UIMC1: variants seen among roughly 807,000 people sequenced by gnomAD.
The protein encoded by UIMC1 is BRCA1-A complex subunit RAP80.
Under a neutral mutation model 84.9 loss-of-function variants are expected in UIMC1, and 42 were observed. That is an observed-to-expected ratio of 0.49 (90% confidence interval 0.39 to 0.64). The LOEUF (loss-of-function observed/expected upper bound fraction) is 0.64. Among genes scored for constraint, UIMC1 ranks in the 30% least tolerant of loss-of-function variants. The pLI, the probability that UIMC1 is intolerant of heterozygous loss-of-function variation, is 0.00. For missense variants in UIMC1, 825 were observed against 847.6 expected (o/e 0.97, Z 0.33); for synonymous variants, 281 against 293.0 (o/e 0.96, Z 0.42).
At position 177,006,674 on chromosome 5, in the gene UIMC1, A is replaced by T. The variant is rs1426018112; in HGVS notation, c.-33T>A. On this transcript the variant is annotated 5_prime_UTR_variant, in exon 1 of 15. Transcript: ENST00000511320. ...CTCGCTGGCGCAGGCCGCTCTGTAG[A>T]CCTTCTCCGGGTTGCCGGGGGTCGC... The T allele has an allele frequency of 1.3e-5, 2 of 151,582 alleles. No homozygotes were observed. Among genetic ancestry groups the T allele is most frequent in the Non-Finnish European group, 2.9e-5 (2 of 67,892 alleles). 9.4% of individuals were successfully genotyped at this position (151,582 alleles called of 1,614,324 possible).
chr5:176,937,197 T>C (rs1396985787), intron 10 of UIMC1, among the ~76,000 whole-genome samples: 2 of 152,180 alleles, frequency 1.3e-5, no homozygotes, highest in Admixed American at 6.5e-5. Context: ...AAACATTACC[T>C]TTAAAGAGCA....
chr5:176,958,013 T>C (rs1766828071), intron 7 of UIMC1, 80 bp downstream of exon 7: 2 of 1,400,764 alleles, frequency 1.4e-6, no homozygotes, highest in Non-Finnish European at 9.9e-7. Flanking sequence ...GCTGTCCACG[T>C]ACAGTCTCAC....
upstream of UIMC1, among the ~76,000 whole-genome samples, chr5:177,010,109 G>A (rs150879406): frequency 8.6e-3 from 1,304 of 152,186 alleles, 6 homozygotes; most frequent in Middle Eastern, 0.01. Context: ...CCAGCTACTC[G>A]AGAGGCCGAG....
At chr5:177,018,299 G>A (rs748550390) in intron 1 of UIMC1, among the ~76,000 whole-genome samples, 5 of 150,254 alleles carry the variant, frequency 3.3e-5, no homozygotes, top group Admixed American at 1.3e-4. Context: ...GCAGTGAGCC[G>A]AGATCGCACC....
upstream of UIMC1, among the ~76,000 whole-genome samples, chr5:177,008,233 G>A: frequency 6.6e-6 from 1 of 152,054 alleles, no homozygotes; most frequent in East Asian, 1.9e-4. Flanking sequence ...ATTCTGGAAT[G>A]CCTTTGCCCT....
At chr5:176,936,248 A>G (rs1384220268) in intron 10 of UIMC1, among the ~76,000 whole-genome samples, 1 of 152,236 alleles carries the variant, frequency 6.6e-6, no homozygotes, top group African/African-American at 2.4e-5. Flanking sequence ...AGTGTCTGTG[A>G]TTCTCATGGC....
chr5:176,963,706 A>T (rs926087004), intron 6 of UIMC1, among the ~76,000 whole-genome samples: 1 of 152,130 alleles, frequency 6.6e-6, no homozygotes, highest in African/African-American at 2.4e-5. Context: ...GACAGTAGAT[A>T]CAGGTCTGAG....
chr5:176,999,713 T>C (rs1774169723), intron 1 of UIMC1, among the ~76,000 whole-genome samples: 1 of 152,228 alleles, frequency 6.6e-6, no homozygotes, highest in Admixed American at 6.6e-5. Context: ...TTCACCCATG[T>C]TGTTACAAAT....
chr5:176,968,011 G>A (rs1436103563), intron 6 of UIMC1, among the ~76,000 whole-genome samples: 2 of 151,846 alleles, frequency 1.3e-5, no homozygotes, highest in Admixed American at 6.6e-5. Flanking sequence ...GTAGGGAGAG[G>A]AACAAAACTT....
At chr5:176,923,900 GACACACACAC>G (rs35583665) in intron 10 of UIMC1, among the ~76,000 whole-genome samples, 5 of 145,660 alleles carry the variant, frequency 3.4e-5, no homozygotes, top group Non-Finnish European at 6.0e-5. Context: ...CACACACACA[GACACACACAC>G]ACACACACAC....
intron 6 of UIMC1, 65 bp from the exon 7 acceptor site, chr5:176,958,219 T>TA (rs940428071): frequency 1.1e-5 from 15 of 1,373,954 alleles, no homozygotes; most frequent in Admixed American, 2.0e-5. Flanking sequence ...CTTCCTTTTT[T>TA]AAAAAAATTT....
intron 1 of UIMC1, among the ~76,000 whole-genome samples, chr5:176,984,382 G>T (rs1771619909): frequency 6.9e-6 from 1 of 144,238 alleles, no homozygotes; most frequent in African/African-American, 2.6e-5. Context: ...TCCCCGTCTG[G>T]GAAGTGAGGA....
chr5:176,991,051 A>T (rs1459771160), intron 1 of UIMC1, among the ~76,000 whole-genome samples: 1 of 151,858 alleles, frequency 6.6e-6, no homozygotes, highest in Non-Finnish European at 1.5e-5. Flanking sequence ...TCTTTCGCCC[A>T]GGCCAGACTG....
chr5:176,958,167 A>T lies in UIMC1; in HGVS notation c.1201-13T>A. 1 of 1,611,642 alleles carries T rather than the reference A, an allele frequency of 6.2e-7. No individual in the cohort carries two copies. Among genetic ancestry groups the T allele is most frequent in the Middle Eastern group, 1.7e-4 (1 of 6,030 alleles). Reference sequence around the variant, plus strand: ...TCCCTTGGGAAGACTGCAAAGAAATACGTAGTATCTTAAATATACAGGCAC... The same window carrying T: ...TCCCTTGGGAAGACTGCAAAGAAATTCGTAGTATCTTAAATATACAGGCAC... On this transcript the variant is annotated splice_polypyrimidine_tract_variant and intron_variant, in intron 6 of 14. Coordinates refer to ENST00000511320, the MANE Select transcript of UIMC1 (RefSeq NM_001199298.2).
At chr5:177,020,500 G>A (rs548514823) in intron 1 of UIMC1, among the ~76,000 whole-genome samples, 2 of 152,206 alleles carry the variant, frequency 1.3e-5, no homozygotes, top group East Asian at 1.9e-4. Flanking sequence ...GCACGATCTC[G>A]GCTCACTGCA....
chr5:176,943,214 A>G, intron 10 of UIMC1, 121 bp downstream of exon 10: 1 of 1,310,742 alleles, frequency 7.6e-7, no homozygotes, highest in Non-Finnish European at 1.0e-6. Context: ...GAAAAAACCC[A>G]AGACCAACAA....
In UIMC1 at chr5:176,969,424, T is replaced by C. The variant is rs191593853; in HGVS notation, c.464-133A>G. 8.6e-4 allele frequency: 1,203 copies of C among 1,403,386 alleles called. 1 individual carries two copies. The highest frequency in any genetic ancestry group is 1.0e-3 in the Non-Finnish European group (1,078 of 1,037,872). The allele number at this position is 1,403,386 out of a possible 1,614,324, so 86.9% of individuals were successfully genotyped here. On this transcript the variant is annotated intron_variant, in intron 5 of 14. Transcript: ENST00000511320. ...TCTTTGGGTTTAACCAAATGTTGGT[T>C]TTTCCTTGGAGATAAAAGTATGCCG...
intron 1 of UIMC1, among the ~76,000 whole-genome samples, chr5:177,004,082 G>A (rs959819056): frequency 1.3e-5 from 2 of 152,144 alleles, no homozygotes; most frequent in Admixed American, 6.6e-5. Flanking sequence ...GCCCACCTCA[G>A]CCTCCCAAAG....
At chr5:177,003,151 T>C (rs1774780050) in intron 1 of UIMC1, among the ~76,000 whole-genome samples, 1 of 152,056 alleles carries the variant, frequency 6.6e-6, no homozygotes, top group African/African-American at 2.4e-5. Context: ...TATCAACTAA[T>C]TACAATGAGC....
Sources: allele counts gnomAD v4.1 joint callset (sites outside exome capture counted in the v4.1 genomes callset), GRCh38; gene constraint gnomAD v4.1.1; transcripts MANE v1.5; gene names NCBI Gene and HGNC (gene_info 2026-07-23, HGNC 2026-07-21).